SMC1B: variants seen among roughly 807,000 people sequenced by gnomAD.
SMC1B encodes structural maintenance of chromosomes protein 1B.
Under a neutral mutation model 157.9 loss-of-function variants are expected in SMC1B, and 60 were observed. That is an observed-to-expected ratio of 0.38 (90% CI 0.31 to 0.47). The LOEUF is 0.47. Ranked by LOEUF, SMC1B falls within the 20% of genes least tolerant of loss-of-function variation. The probability of loss-of-function intolerance (pLI) is 0.99; values close to 1 mark genes in which losing one functional copy is unlikely to be tolerated. For synonymous variants in SMC1B, 445 were observed against 483.0 expected (o/e 0.92, Z 1.03); for missense variants, 1,165 against 1,426.2 (o/e 0.82, Z 2.95).
chr22:45,370,398 T>G (rs1019951665), intron 14 of SMC1B, among the ~76,000 whole-genome samples: 1 of 152,222 alleles, frequency 6.6e-6, no homozygotes, highest in African/African-American at 2.4e-5. Flanking sequence ...AGATTCTTTA[T>G]GTATGAGTAA....
chr22:45,402,569 T>G lies in SMC1B; in HGVS notation c.618A>C (p.Ala206=). The G allele has an allele frequency of 6.2e-7, 1 of 1,610,366 alleles. No individual in the cohort carries two copies. Among genetic ancestry groups the G allele is most frequent in the South Asian group, 1.1e-5 (1 of 90,588 alleles). ...CTTCAAGGAGACTCTGGTAACGTTC[T>G]GCCTATAAAAGAGTATAATTCAACA... ...RRQAKLEKEE[A]ERYQSLLEEL... The change falls in exon 5 of 25, where the codon GCA becomes GCC. Residue 206 remains alanine (A), a splice_region_variant and synonymous_variant. Coordinates refer to ENST00000357450, the MANE Select transcript of SMC1B (RefSeq NM_148674.5).
At chr22:45,389,630 ATCATAG>A in intron 10 of SMC1B, 76 bp downstream of exon 10, 2 of 1,264,000 alleles carry the variant, frequency 1.6e-6, no homozygotes, top group Non-Finnish European at 2.2e-6. Context: ...CTCTATCACT[ATCATAG>A]TTTTAGGCAA....
intron 1 of SMC1B, among the ~76,000 whole-genome samples, chr22:45,409,440 C>A (rs1213790891): frequency 1.3e-5 from 2 of 152,034 alleles, no homozygotes; most frequent in Non-Finnish European, 2.9e-5. Flanking sequence ...TGGCACGCAC[C>A]TGTAGTCCCA....
intron 7 of SMC1B, among the ~76,000 whole-genome samples, chr22:45,395,044 A>G (rs1474808980): frequency 1.3e-5 from 2 of 152,170 alleles, no homozygotes; most frequent in Non-Finnish European, 2.9e-5. Flanking sequence ...CCCTTAACTA[A>G]TGTACTGAAC....
chr22:45,369,863 T>A (rs2146792336), intron 15 of SMC1B, 91 bp downstream of exon 15: 2 of 799,792 alleles, frequency 2.5e-6, no homozygotes, highest in East Asian at 6.0e-5. Context: ...CTTGATGAAA[T>A]GAAACTCAGG....
chr22:45,402,667 ATGTT>A, intron 4 of SMC1B, 96 bp from the exon 5 acceptor site: 6 of 820,406 alleles, frequency 7.3e-6, no homozygotes, highest in South Asian at 1.7e-5. Context: ...TAACTAATGA[ATGTT>A]TATTTATTAG....
chr22:45,390,535 G>C (rs1308365239), intron 9 of SMC1B, among the ~76,000 whole-genome samples: 1 of 151,688 alleles, frequency 6.6e-6, no homozygotes, highest in Non-Finnish European at 1.5e-5. Flanking sequence ...GTGAAACCTT[G>C]TCTCTACTAA....
chr22:45,413,200 G>A (rs369558764), intron 1 of SMC1B, among the ~76,000 whole-genome samples: 1 of 151,992 alleles, frequency 6.6e-6, no homozygotes, highest in Non-Finnish European at 1.5e-5. Flanking sequence ...CGAGTGGAAG[G>A]GTCAGGACCT....
intron 23 of SMC1B, among the ~76,000 whole-genome samples, chr22:45,348,620 T>C (rs1049531293): frequency 5.9e-5 from 9 of 152,230 alleles, no homozygotes; most frequent in African/African-American, 1.2e-4. Flanking sequence ...GACCCCCATG[T>C]TGATTTCTCA....
At chr22:45,380,853 G>C (rs1265685797) in intron 12 of SMC1B, among the ~76,000 whole-genome samples, 1 of 152,152 alleles carries the variant, frequency 6.6e-6, no homozygotes, top group African/African-American at 2.4e-5. Flanking sequence ...TTGAACCCAG[G>C]AGTTCAAGGT....
intron 23 of SMC1B, among the ~76,000 whole-genome samples, chr22:45,346,748 A>T (rs2086555871): frequency 6.6e-6 from 1 of 152,226 alleles, no homozygotes; most frequent in South Asian, 2.1e-4. Flanking sequence ...GGGAGATAGG[A>T]TGCGAAGATG....
chr22:45,401,945 G>A (rs1033646839), intron 5 of SMC1B, among the ~76,000 whole-genome samples: 2 of 151,802 alleles, frequency 1.3e-5, no homozygotes, highest in East Asian at 1.9e-4. Context: ...GTGTAGTGGC[G>A]TGATCTCGGC....
At chr22:45,344,690 C>T (rs879792931) in intron 24 of SMC1B, 33 bp from the exon 25 acceptor site, 3 of 1,455,620 alleles carry the variant, frequency 2.1e-6, no homozygotes, top group Non-Finnish European at 2.9e-6. Flanking sequence ...AAAAGTTCCC[C>T]TAATTAGGGA....
intron 12 of SMC1B, among the ~76,000 whole-genome samples, chr22:45,376,858 G>A (rs940542331): frequency 3.3e-5 from 5 of 152,082 alleles, no homozygotes; most frequent in African/African-American, 4.8e-5. Flanking sequence ...TCTTGACTGC[G>A]TTCCAGTCAG....
At chr22:45,347,978 G>C (rs934321467) in intron 23 of SMC1B, among the ~76,000 whole-genome samples, 12 of 152,104 alleles carry the variant, frequency 7.9e-5, no homozygotes, top group Non-Finnish European at 1.6e-4. Flanking sequence ...CCCTTCCCCT[G>C]GGCAGTGTCG....
intron 12 of SMC1B, 53 bp from the exon 13 acceptor site, chr22:45,372,345 T>G: frequency 1.4e-6 from 2 of 1,458,342 alleles, no homozygotes; most frequent in Non-Finnish European, 1.8e-6. Flanking sequence ...GCACTTTCAC[T>G]TTTCAAAGTG....
At chr22:45,394,583 C>T in intron 8 of SMC1B, 102 bp downstream of exon 8, 1 of 1,280,664 alleles carries the variant, frequency 7.8e-7, no homozygotes, top group Non-Finnish European at 1.0e-6. Context: ...CTACCGTAAG[C>T]CATGACTGCG....
intron 19 of SMC1B, among the ~76,000 whole-genome samples, chr22:45,356,590 G>A (rs11702941): frequency 6.6e-6 from 1 of 152,184 alleles, no homozygotes; most frequent in East Asian, 1.9e-4. Context: ...TATATCGCAA[G>A]AGAAAAGGAG....
At chr22:45,413,133 T>C (rs528104077) in intron 1 of SMC1B, among the ~76,000 whole-genome samples, 2 of 149,868 alleles carry the variant, frequency 1.3e-5, no homozygotes, top group Admixed American at 6.6e-5. Context: ...CCTCAGGGTG[T>C]CGGAGGAGGG....
Sources: gnomAD v4.1 joint callset for allele counts (sites outside exome capture counted in the v4.1 genomes callset) on GRCh38, gnomAD v4.1.1 for gene constraint, MANE v1.5 for transcripts, NCBI Gene and HGNC (gene_info 2026-07-23, HGNC 2026-07-21) for gene names.